Variants in DNM3 observed in about 807,000 individuals in gnomAD.
DNM3 encodes the protein dynamin 3, also known as dynamin-3.
A neutral mutation model predicts 101.6 loss-of-function variants in DNM3; 47 were observed. The observed-to-expected ratio is 0.46, with a 90% CI of 0.37 to 0.59. The LOEUF is 0.59. DNM3 is among the 20% of genes least tolerant of loss of function. The probability of loss-of-function intolerance (pLI) is 0.00; values close to 1 mark genes in which losing one functional copy is unlikely to be tolerated. For synonymous variants in DNM3, 385 were observed against 387.9 expected (o/e 0.99, Z 0.09); for missense variants, 849 against 1,085.7 (o/e 0.78, Z 3.06).
intron 13 of DNM3, among the ~76,000 whole-genome samples, chr1:172,123,532 T>C (rs1301839621): frequency 6.6e-6 from 1 of 152,148 alleles, no homozygotes; most frequent in African/African-American, 2.4e-5. Flanking sequence ...TTGAACACTT[T>C]CCTGAATTGA....
intron 15 of DNM3, among the ~76,000 whole-genome samples, chr1:172,292,583 C>G (rs1171262816): frequency 6.9e-6 from 1 of 144,076 alleles, no homozygotes; most frequent in East Asian, 2.1e-4. Context: ...GAAGGGTTGG[C>G]TTAGAGAATA....
intron 1 of DNM3, among the ~76,000 whole-genome samples, chr1:171,885,679 C>A (rs962344014): frequency 6.6e-6 from 1 of 152,106 alleles, no homozygotes; most frequent in Non-Finnish European, 1.5e-5. Context: ...GAGCTTGAAC[C>A]CTTCTACCTT....
At chr1:171,894,240 G>C (rs552362922) in intron 1 of DNM3, among the ~76,000 whole-genome samples, 2 of 152,206 alleles carry the variant, frequency 1.3e-5, no homozygotes, top group South Asian at 4.1e-4. Flanking sequence ...TTACAGGCAC[G>C]AGCCACCACA....
At chr1:172,052,563 A>G (rs2050281649) in intron 10 of DNM3, among the ~76,000 whole-genome samples, 1 of 152,112 alleles carries the variant, frequency 6.6e-6, no homozygotes, top group Non-Finnish European at 1.5e-5. Context: ...TACTCTATAG[A>G]GTTAATTATT....
rs1441095561 is a variant in DNM3 at position 172,408,514 on chromosome 1, GCTT to G, written c.*677_*679del. 2.0e-6 allele frequency: 2 copies of G among 985,168 alleles called. No homozygotes were observed. Among genetic ancestry groups the G allele is most frequent in the African/African-American group, 3.5e-5 (2 of 57,198 alleles). 61.0% of individuals were successfully genotyped at this position (985,168 alleles called of 1,614,324 possible). A position where few individuals can be genotyped will look rare whatever the true frequency, so the allele number is the denominator to read the frequency against. On this transcript the variant is annotated 3_prime_UTR_variant, in exon 21 of 21. Coordinates refer to ENST00000627582, the MANE Select transcript of DNM3 (RefSeq NM_015569.5). ...GAAGCATATGCAACAGTGAATAAAA[GCTT>G]CTTTTTTTGTTAATCAGTCAATAAA...
At chr1:172,368,943 A>C (rs1351254489) in intron 17 of DNM3, among the ~76,000 whole-genome samples, 1 of 151,952 alleles carries the variant, frequency 6.6e-6, no homozygotes, top group Non-Finnish European at 1.5e-5. Flanking sequence ...AAGAAATGGA[A>C]AACTTGAACA....
chr1:172,365,924 T>C (rs567251956), intron 17 of DNM3, among the ~76,000 whole-genome samples: 4 of 152,070 alleles, frequency 2.6e-5, no homozygotes, highest in South Asian at 4.1e-4. Flanking sequence ...CAACCTTCAA[T>C]AGATATACAT....
At chr1:172,249,274 G>A (rs1359840235) in intron 14 of DNM3, among the ~76,000 whole-genome samples, 3 of 152,086 alleles carry the variant, frequency 2.0e-5, no homozygotes, top group Non-Finnish European at 4.4e-5. Flanking sequence ...TTCCTTTCAA[G>A]GTCAGCGAGC....
At chr1:172,016,998 T>C (rs1179414633) in intron 4 of DNM3, among the ~76,000 whole-genome samples, 1 of 152,114 alleles carries the variant, frequency 6.6e-6, no homozygotes, top group Non-Finnish European at 1.5e-5. Flanking sequence ...AATTGGTCCA[T>C]TGTATTTAGG....
chr1:171,891,293 C>A (rs1286313600), intron 1 of DNM3, among the ~76,000 whole-genome samples: 2 of 150,396 alleles, frequency 1.3e-5, no homozygotes, highest in Non-Finnish European at 3.0e-5. Flanking sequence ...TTCAAATGAA[C>A]GTTTTCTTTA....
chr1:172,338,505 T>C lies in DNM3; in HGVS notation c.1893+15165T>C, dbSNP rs1331047985. 7.9e-5 allele frequency among the ~76,000 whole-genome samples: 12 copies of C among 152,292 alleles called. 1 individual carries two copies. Among genetic ancestry groups the C allele is most frequent in the Middle Eastern group, 3.4e-3 (1 of 294 alleles). On this transcript the variant is annotated intron_variant, in intron 17 of 20. Coordinates refer to ENST00000627582, the MANE Select transcript of DNM3 (RefSeq NM_015569.5). ...CAGCTGTGAGCAATAGCAAATCATT[T>C]TTCCAGTAGCTTAGGAGCCTGTGAA...
chr1:171,993,135 A>G (rs868179712), intron 4 of DNM3, among the ~76,000 whole-genome samples: 1 of 152,126 alleles, frequency 6.6e-6, no homozygotes, highest in Non-Finnish European at 1.5e-5. Context: ...AGTTACAAAC[A>G]AAAATACATT....
At chr1:171,968,379 T>C (rs1418791919) in intron 2 of DNM3, among the ~76,000 whole-genome samples, 2 of 152,166 alleles carry the variant, frequency 1.3e-5, no homozygotes, top group African/African-American at 4.8e-5. Context: ...TTTTACAAAA[T>C]AGAATGAGTG....
At position 171,934,592 on chromosome 1, in the gene DNM3, T is replaced by A. The variant is rs77557369; in HGVS notation, c.235+12771T>A. 4.3e-3 allele frequency among the ~76,000 whole-genome samples: 649 copies of A among 152,300 alleles called. 5 individuals are homozygous for A. The highest frequency in any genetic ancestry group is 0.015 in the African/African-American group (617 of 41,560). On this transcript the variant is annotated intron_variant, in intron 2 of 20. Transcript: ENST00000627582. ...AATTAAGGAGCGCTACTAGCCTTGT[T>A]TTTTACAAAGTGTATGTCTTTGACT...
intron 14 of DNM3, among the ~76,000 whole-genome samples, chr1:172,166,381 G>A (rs10911144): frequency 1.3e-5 from 2 of 151,906 alleles, no homozygotes; most frequent in Non-Finnish European, 2.9e-5. Flanking sequence ...CATCACTAAA[G>A]TACCTCACGA....
At chr1:171,879,651 G>A (rs958305527) in intron 1 of DNM3, among the ~76,000 whole-genome samples, 4 of 152,346 alleles carry the variant, frequency 2.6e-5, no homozygotes, top group Middle Eastern at 3.4e-3. Context: ...AGGCACAGTG[G>A]ACTGCGTGCC....
chr1:171,854,019 T>C (rs933068633), intron 1 of DNM3, among the ~76,000 whole-genome samples: 2 of 152,204 alleles, frequency 1.3e-5, no homozygotes, highest in African/African-American at 4.8e-5. Context: ...GTAGAGCATA[T>C]TTTATGACCA....
intron 1 of DNM3, among the ~76,000 whole-genome samples, chr1:171,916,682 A>G (rs774488613): frequency 6.6e-6 from 1 of 152,190 alleles, no homozygotes; most frequent in Non-Finnish European, 1.5e-5. Flanking sequence ...CTCTTCTTCA[A>G]CGTTTTCTAT....
intron 14 of DNM3, among the ~76,000 whole-genome samples, chr1:172,243,653 CTA>C (rs1452090143): frequency 1.3e-5 from 2 of 152,128 alleles, no homozygotes; most frequent in African/African-American, 4.8e-5. Context: ...TTTCTTGAGA[CTA>C]CTAGAACAGT....
Sources: allele counts gnomAD v4.1 joint callset (sites outside exome capture counted in the v4.1 genomes callset), GRCh38; gene constraint gnomAD v4.1.1; transcripts MANE v1.5; gene names NCBI Gene and HGNC (gene_info 2026-07-23, HGNC 2026-07-21).